P2RY6: variants seen among roughly 807,000 people sequenced by gnomAD.
The protein encoded by P2RY6 is P2Y purinoceptor 6.
P2RY6 carries 19 observed loss-of-function variants against 16.3 expected under a neutral mutation model. That is an observed-to-expected ratio of 1.16 (90% confidence interval 0.81 to 1.71). P2RY6 has a LOEUF of 1.71. Among genes scored for constraint, P2RY6 ranks in the 40% most tolerant of loss-of-function variants. The pLI is 0.00. For synonymous variants in P2RY6, 184 were observed against 201.5 expected (o/e 0.91, Z 0.74); for missense variants, 389 against 455.5 (o/e 0.85, Z 1.33).
chr11:73,274,361 G>A (rs959739424), intron 1 of P2RY6, among the ~76,000 whole-genome samples: 7 of 152,100 alleles, frequency 4.6e-5, no homozygotes, highest in Non-Finnish European at 8.8e-5. Context: ...AGAAAGTTAA[G>A]CAATAATAGC....
At chr11:73,292,974 G>C (rs114946377) in intron 1 of P2RY6, 2,437 of 189,088 alleles carry the variant, frequency 0.013, 42 homozygotes, top group African/African-American at 0.058. Context: ...TGCGGGGGGT[G>C]GGGGGGGGAG....
Position 73,292,811 on chromosome 11 carries a change from A to G in P2RY6, c.-120-2919A>G, listed in dbSNP as rs188660595. The G allele has an allele frequency of 3.5e-3, 3,404 of 985,356 alleles. 10 individuals carry two copies. The highest frequency in any genetic ancestry group is 3.9e-3 in the Non-Finnish European group (3,209 of 829,866). The allele number at this position is 985,356 out of a possible 1,614,324, so 61.0% of individuals were successfully genotyped here. A position where few individuals can be genotyped will look rare whatever the true frequency, so the allele number is the denominator to read the frequency against. ...CAGAGGAAGCTGCTCACTCTGTCAG[A>G]GAAGTTGCAGCCTAGCTGAGGGCAG... On this transcript the variant is annotated intron_variant, in intron 1 of 2. Transcript: ENST00000540124.
intron 1 of P2RY6, among the ~76,000 whole-genome samples, chr11:73,290,428 G>A (rs960920425): frequency 1.3e-5 from 2 of 152,358 alleles, no homozygotes; most frequent in African/African-American, 2.4e-5. Flanking sequence ...GTGCATGCCT[G>A]TAATCCCAAC....
At chr11:73,281,556 A>G (rs1480546387) in intron 1 of P2RY6, among the ~76,000 whole-genome samples, 3 of 152,166 alleles carry the variant, frequency 2.0e-5, no homozygotes, top group Non-Finnish European at 4.4e-5. Flanking sequence ...AAGGGAAGTG[A>G]CCCCTGGGAA....
At chr11:73,279,219 G>C (rs769943002) in intron 1 of P2RY6, among the ~76,000 whole-genome samples, 1 of 151,916 alleles carries the variant, frequency 6.6e-6, no homozygotes, top group Non-Finnish European at 1.5e-5. Context: ...GAATTGGGTT[G>C]TTTCTTTTGC....
At chr11:73,267,596 C>T (rs896967332), upstream of P2RY6, among the ~76,000 whole-genome samples, 4 of 152,184 alleles carry the variant, frequency 2.6e-5, no homozygotes, top group African/African-American at 9.7e-5. Flanking sequence ...GTAGAAAAGA[C>T]TCCTGTGGAG....
chr11:73,282,525 T>C (rs1863805544), intron 1 of P2RY6, among the ~76,000 whole-genome samples: 1 of 152,154 alleles, frequency 6.6e-6, no homozygotes, highest in Non-Finnish European at 1.5e-5. Flanking sequence ...CCAGCAGGTC[T>C]CTCTGCCTGG....
chr11:73,288,672 C>T (rs2135735959), intron 1 of P2RY6, among the ~76,000 whole-genome samples: 1 of 152,300 alleles, frequency 6.6e-6, no homozygotes, highest in Middle Eastern at 3.4e-3. Context: ...CTAGAGGCTG[C>T]CCAGAGTCAG....
At chr11:73,277,040 G>C (rs1046582508) in intron 1 of P2RY6, among the ~76,000 whole-genome samples, 1 of 152,110 alleles carries the variant, frequency 6.6e-6, no homozygotes, top group Non-Finnish European at 1.5e-5. Context: ...CTCTTCAGGG[G>C]CTTAGGTCCA....
intron 1 of P2RY6, among the ~76,000 whole-genome samples, chr11:73,283,212 G>A (rs1464968303): frequency 6.6e-6 from 1 of 152,086 alleles, no homozygotes; most frequent in Non-Finnish European, 1.5e-5. Flanking sequence ...CTCACATTTT[G>A]TATCCCCAGG....
intron 1 of P2RY6, among the ~76,000 whole-genome samples, chr11:73,291,686 A>G (rs1419636004): frequency 6.6e-6 from 1 of 152,184 alleles, no homozygotes; most frequent in East Asian, 1.9e-4. Flanking sequence ...ATGCCTTTAA[A>G]GGCACCTTCA....
chr11:73,275,073 T>G (rs1565162461), intron 1 of P2RY6, among the ~76,000 whole-genome samples: 1 of 152,206 alleles, frequency 6.6e-6, no homozygotes, highest in South Asian at 2.1e-4. Flanking sequence ...ACGCAGTCAT[T>G]TGGTCTACGG....
upstream of P2RY6, among the ~76,000 whole-genome samples, chr11:73,268,180 A>C (rs538237078): frequency 6.6e-6 from 1 of 152,042 alleles, no homozygotes; most frequent in East Asian, 1.9e-4. Context: ...GCAGAATTGC[A>C]CCCACAGGCA....
At chr11:73,268,106 G>T (rs1188024472), upstream of P2RY6, among the ~76,000 whole-genome samples, 2 of 152,260 alleles carry the variant, frequency 1.3e-5, no homozygotes, top group East Asian at 1.9e-4. Flanking sequence ...GCATATGTAT[G>T]TGTGAACCTG....
chr11:73,293,400 G>A (rs1026871235), intron 1 of P2RY6, among the ~76,000 whole-genome samples: 2 of 152,210 alleles, frequency 1.3e-5, no homozygotes, highest in East Asian at 1.9e-4. Flanking sequence ...AGGGCAGAGG[G>A]ATGCAGAGAA....
chr11:73,272,412 GGGAATTT>G lies in P2RY6; in HGVS notation c.-173_-167del. On this transcript the variant is annotated 5_prime_UTR_variant, in exon 1 of 3. Transcript: ENST00000540124. ...TGGCAGCAGGGGCTGCTCCACGAGT[GGGAATTT>G]GCTCCAGCACTTCACGGACTGCAAG... is the stretch of plus-strand genomic sequence containing the variant. 1.0e-6 allele frequency: 1 copy of G among 985,528 alleles called. No homozygotes were observed. The highest frequency in any genetic ancestry group is 1.2e-6 in the Non-Finnish European group (1 of 829,968). 61.0% of individuals were successfully genotyped at this position (985,528 alleles called of 1,614,324 possible). A position where few individuals can be genotyped will look rare whatever the true frequency, so the allele number is the denominator to read the frequency against.
chr11:73,291,048 A>G (rs1864223833), intron 1 of P2RY6, among the ~76,000 whole-genome samples: 2 of 151,962 alleles, frequency 1.3e-5, no homozygotes, highest in African/African-American at 2.4e-5. Flanking sequence ...ATGTCCTTGA[A>G]CCCCTGAGAA....
chr11:73,282,612 G>C (rs1183631963), intron 1 of P2RY6, among the ~76,000 whole-genome samples: 1 of 152,136 alleles, frequency 6.6e-6, no homozygotes, highest in Non-Finnish European at 1.5e-5. Context: ...CCACAGACAG[G>C]GTTAGAGGCC....
At chr11:73,280,659 T>A (rs929153722) in intron 1 of P2RY6, among the ~76,000 whole-genome samples, 139 of 152,132 alleles carry the variant, frequency 9.1e-4, no homozygotes, top group Non-Finnish European at 1.5e-3. Flanking sequence ...GACCTGGGCC[T>A]CCCCTGTCCC....
Sources: allele counts gnomAD v4.1 joint callset (sites outside exome capture counted in the v4.1 genomes callset), GRCh38; gene constraint gnomAD v4.1.1; transcripts MANE v1.5; gene names NCBI Gene and HGNC (gene_info 2026-07-23, HGNC 2026-07-21).